KYNU: variants seen among roughly 807,000 people sequenced by gnomAD.
KYNU encodes L-kynurenine hydrolase.
In KYNU, 54 loss-of-function variants were observed where a neutral mutation model predicts 59.2. That is an observed-to-expected ratio of 0.91 (90% CI 0.73 to 1.14). KYNU has a LOEUF of 1.14. Among genes scored for constraint, KYNU ranks in the 50% most tolerant of loss-of-function variants. The pLI, the probability that KYNU is intolerant of heterozygous loss-of-function variation, is 0.00. For missense variants in KYNU, 567 were observed against 554.4 expected (o/e 1.02, Z -0.23); for synonymous variants, 177 against 192.0 (o/e 0.92, Z 0.65).
At chr2:142,942,070 G>T (rs1213938784) in intron 4 of KYNU, among the ~76,000 whole-genome samples, 4 of 149,134 alleles carry the variant, frequency 2.7e-5, no homozygotes, top group Non-Finnish European at 5.9e-5. Context: ...CCAGCTATTC[G>T]AAAGGCTGAG....
chr2:142,932,313 A>G (rs750387968), intron 4 of KYNU, among the ~76,000 whole-genome samples: 3 of 152,164 alleles, frequency 2.0e-5, no homozygotes, highest in African/African-American at 7.2e-5. Flanking sequence ...TTGCTTTTGA[A>G]GGTTTTGGGC....
At chr2:142,972,813 T>TAGAG (rs66473877) in intron 8 of KYNU, among the ~76,000 whole-genome samples, 175 of 124,208 alleles carry the variant, frequency 1.4e-3, no homozygotes, top group African/African-American at 3.6e-3. Flanking sequence ...TATATATATA[T>TAGAG]AGAGAGAGAG....
rs1687333813 is a variant in KYNU at position 143,055,221 on chromosome 2, C to T, written c.*13049C>T. 6.6e-6 allele frequency: 1 copy of T among 152,150 alleles called. No individual in the cohort carries two copies. Among genetic ancestry groups the T allele is most frequent in the Admixed American group, 6.5e-5 (1 of 15,268 alleles). 9.4% of individuals were successfully genotyped at this position (152,150 alleles called of 1,614,324 possible). ...CTTACAGTTCCATAGGTTAGAAGTTCAACATGGGTCTCATGAGATCAAAAG... is the reference window on the plus strand; with the variant it reads ...CTTACAGTTCCATAGGTTAGAAGTTTAACATGGGTCTCATGAGATCAAAAG... On this transcript the variant is annotated 3_prime_UTR_variant, in exon 14 of 14. Transcript: ENST00000264170.
At chr2:142,881,763 T>A (rs573214559) in intron 1 of KYNU, among the ~76,000 whole-genome samples, 6 of 152,168 alleles carry the variant, frequency 3.9e-5, no homozygotes, top group African/African-American at 1.4e-4. Flanking sequence ...AATTTTTTTT[T>A]AAACAGTCAT....
Position 143,033,244 on chromosome 2 carries a change from T to C in KYNU, c.964T>C (p.Leu322=), listed in dbSNP as rs1442010019. 1 of 1,610,720 alleles carries C rather than the reference T, an allele frequency of 6.2e-7. No individual in the cohort carries two copies. Residue 322 remains leucine, a synonymous_variant, in exon 12 of 14, where the codon TTA becomes CTA. Coordinates refer to ENST00000264170, the MANE Select transcript of KYNU (RefSeq NM_003937.3). ...TRFKMDNKLQ[L]IPGVCGFRIS... ...TGATATTAATTTCTCAGAACTGCAGTTAATCCCTGGGGTCTGTGGATTCCG... is the reference window on the plus strand; with the variant it reads ...TGATATTAATTTCTCAGAACTGCAGCTAATCCCTGGGGTCTGTGGATTCCG...
chr2:143,049,408 C>G lies in KYNU; in HGVS notation c.*7236C>G, dbSNP rs1687226005. ...GCTTTTAGCTACCTCCCTCCTCAAA[C>G]TTTGGGGTCAGGCCACACACTATAA... On this transcript the variant is annotated 3_prime_UTR_variant, in exon 14 of 14. Coordinates refer to ENST00000264170, the MANE Select transcript of KYNU (RefSeq NM_003937.3). The G allele has an allele frequency of 6.6e-6, 1 of 152,038 alleles. No individual in the cohort carries two copies. The highest frequency in any genetic ancestry group is 2.1e-4 in the South Asian group (1 of 4,822). The allele number at this position is 152,038 out of a possible 1,614,324, so 9.4% of individuals were successfully genotyped here.
intron 1 of KYNU, chr2:142,881,562 AG>A (rs2105018488): frequency 6.6e-6 from 1 of 152,338 alleles, no homozygotes; most frequent in South Asian, 2.1e-4. Context: ...ATTGAATTCT[AG>A]AGCTTTAGTT....
intron 2 of KYNU, among the ~76,000 whole-genome samples, chr2:142,894,773 C>T (rs1302256165): frequency 6.6e-6 from 1 of 152,022 alleles, no homozygotes; most frequent in Non-Finnish European, 1.5e-5. Context: ...CTTTTTTAAA[C>T]TAATGCCATA....
At chr2:142,993,605 T>A (rs546365123) in intron 10 of KYNU, among the ~76,000 whole-genome samples, 35 of 152,140 alleles carry the variant, frequency 2.3e-4, no homozygotes, top group Middle Eastern at 3.4e-3. Context: ...AGGATTTTTT[T>A]AAAAAATCTT....
Position 142,987,770 on chromosome 2 carries a change from T to C in KYNU, c.902+1749T>C, listed in dbSNP as rs1465661277. Reference sequence around the variant, plus strand: ...TTGGATTTGTGTCCCCACCCAAATCTCATGTAGAATTGTAATCCCCAGTGT... The same window carrying C: ...TTGGATTTGTGTCCCCACCCAAATCCCATGTAGAATTGTAATCCCCAGTGT... On this transcript the variant is annotated intron_variant, in intron 10 of 13. Transcript: ENST00000264170. 2.0e-5 allele frequency among the ~76,000 whole-genome samples: 3 copies of C among 152,084 alleles called. No homozygotes were observed. The East Asian group carries it at 5.8e-4, about 30-fold the overall frequency.
At chr2:142,912,144 G>A (rs919980186) in intron 2 of KYNU, among the ~76,000 whole-genome samples, 4 of 151,928 alleles carry the variant, frequency 2.6e-5, no homozygotes, top group Non-Finnish European at 5.9e-5. Context: ...TTCTTTGTAA[G>A]TCTGATAGAA....
chr2:142,989,604 T>C (rs1685331715), intron 10 of KYNU: 2 of 615,536 alleles, frequency 3.2e-6, no homozygotes, highest in Non-Finnish European at 4.1e-6. Flanking sequence ...GTTTGAATTA[T>C]GTGTTCTTCT....
intron 4 of KYNU, among the ~76,000 whole-genome samples, chr2:142,927,984 T>C (rs927825977): frequency 6.6e-6 from 1 of 152,156 alleles, no homozygotes; most frequent in Non-Finnish European, 1.5e-5. Flanking sequence ...TGTCATACTT[T>C]AAATGTAATA....
chr2:142,972,809 TATATAGAGAG>T (rs1034525695), intron 8 of KYNU, among the ~76,000 whole-genome samples: 2 of 137,358 alleles, frequency 1.5e-5, no homozygotes, highest in African/African-American at 5.6e-5. Flanking sequence ...TATATATATA[TATATAGAGAG>T]AGAGAGAGAG....
intron 2 of KYNU, among the ~76,000 whole-genome samples, chr2:142,889,413 A>C (rs540604171): frequency 1.3e-5 from 2 of 152,226 alleles, no homozygotes; most frequent in Non-Finnish European, 1.5e-5. Context: ...ATGAAAGTCT[A>C]TCCGGGAGAA....
chr2:142,998,208 G>C (rs868723508), intron 10 of KYNU, among the ~76,000 whole-genome samples: 1 of 152,096 alleles, frequency 6.6e-6, no homozygotes, highest in Non-Finnish European at 1.5e-5. Flanking sequence ...CCAAGCACAA[G>C]GAGATTGTAT....
At chr2:142,896,937 T>C (rs1362118135) in intron 2 of KYNU, among the ~76,000 whole-genome samples, 2 of 152,254 alleles carry the variant, frequency 1.3e-5, no homozygotes, top group Non-Finnish European at 2.9e-5. Flanking sequence ...ACAGTATATT[T>C]ATTTTTTCTT....
chr2:143,024,756 A>G (rs1686505491), intron 10 of KYNU, among the ~76,000 whole-genome samples: 1 of 152,074 alleles, frequency 6.6e-6, no homozygotes, highest in Non-Finnish European at 1.5e-5. Context: ...AACTCAGAGG[A>G]TGTTGCATTT....
intron 8 of KYNU, among the ~76,000 whole-genome samples, chr2:142,982,428 C>T (rs1005572373): frequency 6.6e-6 from 1 of 152,104 alleles, no homozygotes; most frequent in Non-Finnish European, 1.5e-5. Flanking sequence ...AAATTAGAAA[C>T]TTCCTACTTG....
Sources: allele counts gnomAD v4.1 joint callset (sites outside exome capture counted in the v4.1 genomes callset), GRCh38; gene constraint gnomAD v4.1.1; transcripts MANE v1.5; gene names NCBI Gene and HGNC (gene_info 2026-07-23, HGNC 2026-07-21).